The following SOS2 variants were observed in gnomAD, a reference collection of about 807,000 sequenced individuals.
SOS2 encodes the protein SOS Ras/Rho guanine nucleotide exchange factor 2.
In SOS2, 65 loss-of-function variants were observed where a neutral mutation model predicts 148.2. The ratio of observed to expected loss-of-function variants is 0.44; its 90% CI spans 0.36 to 0.54. The LOEUF is 0.54. Among genes scored for constraint, SOS2 ranks in the 20% least tolerant of loss-of-function variants. The probability of loss-of-function intolerance (pLI) is 0.00; values close to 1 mark genes in which losing one functional copy is unlikely to be tolerated. For missense variants in SOS2, 1,341 were observed against 1,590.2 expected (o/e 0.84, Z 2.67); for synonymous variants, 539 against 537.1 (o/e 1.00, Z -0.05).
Position 50,118,729 on chromosome 14 carries a change from G to A in SOS2, c.3614C>T (p.Pro1205Leu), listed in dbSNP as rs113660113. The change falls in exon 23 of 23, where the codon CCG (proline) becomes CTG (leucine). Residue 1205 changes from proline to leucine, a missense_variant. Physicochemically the swap from Pro to Leu is moderately conservative, Grantham distance 98. Transcript: ENST00000216373. ...AGGAAGAGGATCTCTTGGTGGTGGC[G>A]GAGGTGGACTATGCAGAGGCCCATC... Reference protein sequence around the residue: ...AFDGPLHSPPPPPPRDPLPDT... With the variant: ...AFDGPLHSPPLPPPRDPLPDT... The A allele has an allele frequency of 1.2e-4, 197 of 1,613,672 alleles. No individual in the cohort carries two copies. The African/African-American group carries it at 2.2e-3, about 18-fold the overall frequency.
At chr14:50,175,940 C>T (rs1885509356) in intron 7 of SOS2, among the ~76,000 whole-genome samples, 1 of 152,158 alleles carries the variant, frequency 6.6e-6, no homozygotes, top group Non-Finnish European at 1.5e-5. Context: ...ACAAAAAGTG[C>T]CACCAATTTT....
chr14:50,119,251 T>C (rs1364980940), intron 22 of SOS2, among the ~76,000 whole-genome samples: 1 of 152,200 alleles, frequency 6.6e-6, no homozygotes, highest in East Asian at 1.9e-4. Context: ...CTTAGAGCAG[T>C]AGATCTCAAA....
In SOS2 at chr14:50,130,015, GA is replaced by G. The variant is rs1362501070; in HGVS notation, c.3338-14del. ...ATGCTATTGCTGCCTATTGGAATAA[GA>G]AAAATTAATTTGAAAAGGAAGGTAA... On this transcript the variant is annotated splice_polypyrimidine_tract_variant and intron_variant, in intron 20 of 22. Coordinates refer to ENST00000216373, the MANE Select transcript of SOS2 (RefSeq NM_006939.4). 2 of 1,567,344 alleles carry G rather than the reference GA, an allele frequency of 1.3e-6. No homozygotes were observed. Among genetic ancestry groups the G allele is most frequent in the Non-Finnish European group, 1.7e-6 (2 of 1,143,004 alleles).
intron 8 of SOS2, among the ~76,000 whole-genome samples, chr14:50,173,651 G>C (rs1027985644): frequency 6.6e-6 from 1 of 152,100 alleles, no homozygotes; most frequent in Non-Finnish European, 1.5e-5. Flanking sequence ...TCAATCTCCT[G>C]ACCTCATGAT....
chr14:50,204,485 A>G (rs1886600448), intron 1 of SOS2, 76 bp from the exon 2 acceptor site: 2 of 879,928 alleles, frequency 2.3e-6, no homozygotes, highest in Non-Finnish European at 3.5e-6. Context: ...AATCTTATAT[A>G]TAATATTTTA....
At chr14:50,148,950 C>T (rs1338742298) in intron 14 of SOS2, among the ~76,000 whole-genome samples, 1 of 152,098 alleles carries the variant, frequency 6.6e-6, no homozygotes, top group Non-Finnish European at 1.5e-5. Context: ...AGCTGGAGTG[C>T]AGTGGCACAA....
chr14:50,133,235 C>CTTTTTTT (rs1883951975), intron 19 of SOS2, among the ~76,000 whole-genome samples: 1 of 122,642 alleles, frequency 8.2e-6, no homozygotes, highest in African/African-American at 3.0e-5. Context: ...AACTTTTTTT[C>CTTTTTTT]TTTTTTCTTT....
intron 8 of SOS2, among the ~76,000 whole-genome samples, chr14:50,165,765 T>C (rs1192118179): frequency 6.6e-6 from 1 of 152,220 alleles, no homozygotes; most frequent in African/African-American, 2.4e-5. Flanking sequence ...TTTAGACCAA[T>C]AATGAATGTT....
At chr14:50,198,995 A>T (rs1272309567) in intron 4 of SOS2, among the ~76,000 whole-genome samples, 2 of 152,140 alleles carry the variant, frequency 1.3e-5, no homozygotes, top group Admixed American at 6.6e-5. Flanking sequence ...CTCTCCAAAA[A>T]ATATAAAAAC....
At chr14:50,134,630 T>C (rs1448175724) in intron 18 of SOS2, among the ~76,000 whole-genome samples, 1 of 152,160 alleles carries the variant, frequency 6.6e-6, no homozygotes, top group African/African-American at 2.4e-5. Context: ...TAATCCACAA[T>C]GAAGTTTTGA....
rs868868348 is a variant in SOS2, at chr14:50,129,970, G to C, written c.3370C>G (p.Pro1124Ala). 6.3e-7 allele frequency: 1 copy of C among 1,588,524 alleles called. No individual in the cohort carries two copies. The highest frequency in any genetic ancestry group is 8.6e-7 in the Non-Finnish European group (1 of 1,161,068). ...SNSIFAPVLL[P>A]HSKSFFSSCG... ...CTTAAATTATACTTACTTGAATGTG[G>C]CAAAAGCACTGGAGCAAAGATGCTA... Residue 1124 changes from proline to alanine, a missense_variant, in exon 21 of 23, where the codon CCA becomes GCA. Transcript: ENST00000216373.
In SOS2 at chr14:50,204,312, G is replaced by A. The variant is rs1886594687; in HGVS notation, c.185C>T (p.Ala62Val). ...IFQLLNKLCM[A>V]QPRTVQDVEE... ...TACATCTTGAACAGTCCTTGGCTGG[G>A]CCATGCATAATTTATTAAGCAGCTG... Residue 62 changes from alanine to valine, a missense_variant, in exon 2 of 23, where the codon GCC becomes GTC. Ala to Val is a moderately conservative substitution (Grantham distance 64). Coordinates refer to ENST00000216373, the MANE Select transcript of SOS2 (RefSeq NM_006939.4). The A allele has an allele frequency of 6.2e-7, 1 of 1,603,444 alleles. No individual in the cohort carries two copies. Among genetic ancestry groups the A allele is most frequent in the South Asian group, 1.1e-5 (1 of 89,688 alleles).
chr14:50,184,889 A>AG, intron 5 of SOS2, among the ~76,000 whole-genome samples: 1 of 135,004 alleles, frequency 7.4e-6, no homozygotes, highest in Non-Finnish European at 1.6e-5. Context: ...AAAAAAAAAA[A>AG]GGGCAGGGGT....
intron 18 of SOS2, among the ~76,000 whole-genome samples, chr14:50,137,642 T>C (rs1884126542): frequency 6.6e-6 from 1 of 152,142 alleles, no homozygotes. Context: ...TCACACAAGA[T>C]CTAAAATTTT....
At chr14:50,188,462 G>T (rs909623680) in intron 5 of SOS2, 35 bp downstream of exon 5, 1 of 1,369,086 alleles carries the variant, frequency 7.3e-7, no homozygotes, top group South Asian at 1.2e-5. Flanking sequence ...GGTTTTTTGG[G>T]GTACACAGAA....
intron 1 of SOS2, among the ~76,000 whole-genome samples, chr14:50,225,596 T>C (rs1028005640): frequency 6.6e-6 from 1 of 152,228 alleles, no homozygotes; most frequent in Non-Finnish European, 1.5e-5. Flanking sequence ...CATCTAGTTC[T>C]GGCTGAACTC....
At chr14:50,223,140 A>T (rs911842782) in intron 1 of SOS2, among the ~76,000 whole-genome samples, 8 of 152,360 alleles carry the variant, frequency 5.3e-5, no homozygotes, top group Non-Finnish European at 8.8e-5. Context: ...AACCGGAAGG[A>T]TGGAGTAGCC....
At chr14:50,157,551 G>A (rs1884859137) in intron 11 of SOS2, among the ~76,000 whole-genome samples, 1 of 152,034 alleles carries the variant, frequency 6.6e-6, no homozygotes, top group African/African-American at 2.4e-5. Context: ...TTACCTAAGT[G>A]GATAAGATAA....
chr14:50,230,384 T>C (rs1178756318), intron 1 of SOS2, among the ~76,000 whole-genome samples: 2 of 152,228 alleles, frequency 1.3e-5, no homozygotes, highest in Admixed American at 1.3e-4. Flanking sequence ...AGTCTTTAAA[T>C]GTCTTGATCT....
Sources: allele counts gnomAD v4.1 joint callset (sites outside exome capture counted in the v4.1 genomes callset), GRCh38; gene constraint gnomAD v4.1.1; transcripts MANE v1.5; gene names NCBI Gene and HGNC (gene_info 2026-07-23, HGNC 2026-07-21).